The following SDR42E2 variants were observed in gnomAD, a reference collection of about 807,000 sequenced individuals.
SDR42E2 encodes putative short-chain dehydrogenase/reductase family 42E member 2.
In SDR42E2, 20 loss-of-function variants were observed where a neutral mutation model predicts 10.5. The ratio of observed to expected loss-of-function variants is 1.90; its 90% confidence interval spans 1.34 to 2.77. The LOEUF (loss-of-function observed/expected upper bound fraction) is 2.77. SDR42E2 is among the 30% of genes most tolerant of loss of function. The probability of loss-of-function intolerance (pLI) is 0.00; values close to 1 mark genes in which losing one functional copy is unlikely to be tolerated. For missense variants in SDR42E2, 162 were observed against 104.2 expected (o/e 1.55, Z -2.42); for synonymous variants, 72 against 39.2 (o/e 1.84, Z -3.12).
chr16:22,183,848 C>G (rs1421495501), intron 10 of SDR42E2, among the ~76,000 whole-genome samples: 1 of 151,328 alleles, frequency 6.6e-6, no homozygotes, highest in South Asian at 2.1e-4. Context: ...AATCCCAGCA[C>G]TTTTGGGAGG....
intron 4 of SDR42E2, among the ~76,000 whole-genome samples, chr16:22,168,320 C>G (rs530633190): frequency 2.0e-5 from 3 of 152,044 alleles, no homozygotes; most frequent in Admixed American, 6.6e-5. Flanking sequence ...GGCTGGTGTG[C>G]AGTGATATGA....
At chr16:22,165,427 CCT>C (rs2046526500) in intron 1 of SDR42E2, among the ~76,000 whole-genome samples, 118 bp from the exon 2 acceptor site, 1 of 152,222 alleles carries the variant, frequency 6.6e-6, no homozygotes, top group African/African-American at 2.4e-5. Flanking sequence ...GGGCAGGTTC[CCT>C]GGGAACTCAG....
In SDR42E2 at chr16:22,183,392, T is replaced by C. The variant is rs181515349; in HGVS notation, c.877-789T>C. Among the ~76,000 whole-genome samples the C allele has an allele frequency of 3.5e-4, 53 of 152,304 alleles. No homozygotes were observed. The East Asian group carries it at 6.2e-3, about 18-fold the overall frequency. On this transcript the variant is annotated intron_variant, in intron 10 of 12. Coordinates refer to ENST00000602312, the MANE Select transcript of SDR42E2 (RefSeq NM_001394319.2). ...CCAGATTTATGTTGGCTTCTAGCCCTGTGGAGTTTTGCTTGTGAGCCACCC... is the reference window on the plus strand; with the variant it reads ...CCAGATTTATGTTGGCTTCTAGCCCCGTGGAGTTTTGCTTGTGAGCCACCC...
At chr16:22,178,631 T>C (rs2046666096) in intron 8 of SDR42E2, among the ~76,000 whole-genome samples, 2 of 152,124 alleles carry the variant, frequency 1.3e-5, no homozygotes, top group South Asian at 4.1e-4. Context: ...GTCCTCGAAT[T>C]TCTCAGGGAG....
chr16:22,178,168 G>C lies in SDR42E2; in HGVS notation c.628G>C (p.Gly210Arg). 1 of 702,882 alleles carries C rather than the reference G, an allele frequency of 1.4e-6. No individual in the cohort carries two copies. Among genetic ancestry groups the C allele is most frequent in the Non-Finnish European group, 2.6e-6 (1 of 384,960 alleles). The allele number at this position is 702,882 out of a possible 1,614,324, so 43.5% of individuals were successfully genotyped here. Reference sequence around the variant, plus strand: ...TCGGACGTGTGTGCTCCGGCCTCCAGGGATCTACGGCCCTGAAGAGCAGAG... The same window carrying C: ...TCGGACGTGTGTGCTCCGGCCTCCACGGATCTACGGCCCTGAAGAGCAGAG... The part of the protein sequence containing the change: ...TLRTCVLRPP[G>R]IYGPEEQRHL... Residue 210 changes from glycine to arginine, a missense_variant, in exon 8 of 13, where the codon GGG becomes CGG. By Grantham distance (125) the Gly-to-Arg change is moderately radical (BLOSUM62 -2). Transcript: ENST00000602312.
intron 11 of SDR42E2, among the ~76,000 whole-genome samples, chr16:22,184,599 C>G (rs2046722895): frequency 6.6e-6 from 1 of 152,138 alleles, no homozygotes; most frequent in Admixed American, 6.6e-5. Flanking sequence ...GAGACTCTGT[C>G]TCAAAAGAAA....
intron 2 of SDR42E2, 37 bp downstream of exon 2, chr16:22,165,674 A>C (rs2046528808): frequency 1.0e-5 from 4 of 401,440 alleles, no homozygotes; most frequent in Non-Finnish European, 1.8e-5. Flanking sequence ...GCCTGTGGAG[A>C]GGTCTCAGGT....
chr16:22,183,555 G>A (rs1480885166), intron 10 of SDR42E2, among the ~76,000 whole-genome samples: 2 of 152,210 alleles, frequency 1.3e-5, no homozygotes, highest in African/African-American at 4.8e-5. Context: ...TAGCAGCCAG[G>A]CTTGCCTGGA....
At chr16:22,169,663 A>G (rs1415022340) in intron 5 of SDR42E2, among the ~76,000 whole-genome samples, 161 bp downstream of exon 5, 1 of 152,208 alleles carries the variant, frequency 6.6e-6, no homozygotes, top group Non-Finnish European at 1.5e-5. Context: ...TGGGTGTGTC[A>G]GTGTGGCCTT....
At chr16:22,178,707 C>A (rs1226398229) in intron 8 of SDR42E2, among the ~76,000 whole-genome samples, 1 of 152,118 alleles carries the variant, frequency 6.6e-6, no homozygotes, top group African/African-American at 2.4e-5. Context: ...AGAAGATGGG[C>A]CTGGCAGGGG....
chr16:22,186,026 C>A (rs1474435312), intron 11 of SDR42E2, among the ~76,000 whole-genome samples: 1 of 152,086 alleles, frequency 6.6e-6, no homozygotes, highest in African/African-American at 2.4e-5. Flanking sequence ...CAGGCATGAG[C>A]CACCACACCT....
chr16:22,171,608 C>G (rs1290488474), intron 6 of SDR42E2, among the ~76,000 whole-genome samples: 1 of 152,124 alleles, frequency 6.6e-6, no homozygotes, highest in African/African-American at 2.4e-5. Flanking sequence ...TCTCAGCTCA[C>G]TGCAACCTCT....
At chr16:22,169,184 G>C (rs1179511529) in intron 4 of SDR42E2, among the ~76,000 whole-genome samples, 1 of 152,036 alleles carries the variant, frequency 6.6e-6, no homozygotes, top group East Asian at 1.9e-4. Context: ...ATTGAGTCCC[G>C]CCCACCACCC....
chr16:22,189,430 G>A (rs995122994), intron 12 of SDR42E2, among the ~76,000 whole-genome samples: 38 of 152,288 alleles, frequency 2.5e-4, no homozygotes, highest in African/African-American at 7.9e-4. Context: ...GCACAGAACA[G>A]ATAGTGCTAG....
At chr16:22,175,983 ACT>A (rs963903103) in intron 7 of SDR42E2, among the ~76,000 whole-genome samples, 7 of 151,376 alleles carry the variant, frequency 4.6e-5, no homozygotes, top group Admixed American at 1.3e-4. Flanking sequence ...ACAGAGCAAG[ACT>A]CTATTAAAAA....
intron 8 of SDR42E2, 93 bp downstream of exon 8, chr16:22,178,305 C>G (rs1330832641): frequency 7.8e-6 from 5 of 644,028 alleles, no homozygotes; most frequent in Non-Finnish European, 1.4e-5. Context: ...GTCGCTGCAT[C>G]AGTCTCGAGG....
At chr16:22,183,084 C>G (rs940040926) in intron 10 of SDR42E2, among the ~76,000 whole-genome samples, 3 of 152,134 alleles carry the variant, frequency 2.0e-5, no homozygotes, top group Non-Finnish European at 2.9e-5. Context: ...ATGTGTTCCT[C>G]AGTTACCTGC....
At chr16:22,181,027 G>A (rs1480570062) in intron 8 of SDR42E2, among the ~76,000 whole-genome samples, 1 of 152,132 alleles carries the variant, frequency 6.6e-6, no homozygotes, top group Non-Finnish European at 1.5e-5. Flanking sequence ...ACAATCAAAG[G>A]ATCTGCCTGG....
At chr16:22,184,976 G>A (rs953673788) in intron 11 of SDR42E2, among the ~76,000 whole-genome samples, 1 of 152,152 alleles carries the variant, frequency 6.6e-6, no homozygotes, top group Non-Finnish European at 1.5e-5. Context: ...CAGTCAGGAG[G>A]AGAGAGAACC....
Sources: allele counts gnomAD v4.1 joint callset (sites outside exome capture counted in the v4.1 genomes callset), GRCh38; gene constraint gnomAD v4.1.1; transcripts MANE v1.5; gene names NCBI Gene and HGNC (gene_info 2026-07-23, HGNC 2026-07-21).